Variants in TMOD3 observed in about 807,000 individuals in gnomAD.
TMOD3 encodes the protein tropomodulin-3.
A neutral mutation model predicts 39.2 loss-of-function variants in TMOD3; 20 were observed. The observed-to-expected ratio is 0.51, with a 90% CI of 0.36 to 0.74. TMOD3 has a LOEUF of 0.74. TMOD3 is among the 30% of genes least tolerant of loss of function. TMOD3 has a pLI of 0.00. For synonymous variants in TMOD3, 143 were observed against 145.8 expected, an observed-to-expected ratio of 0.98 and a Z score of 0.14; for missense variants, 381 against 412.8, an observed-to-expected ratio of 0.92 and a Z score of 0.67.
At chr15:51,859,114 GGACTCATAATACAT>G in intron 1 of TMOD3, 1 of 560,918 alleles carries the variant, frequency 1.8e-6, no homozygotes, top group Non-Finnish European at 3.3e-6. Flanking sequence ...TTACAAAAAT[GGACTCATAATACAT>G]ATTTGCCCAC....
At chr15:51,880,777 C>T (rs2056528763) in intron 3 of TMOD3, among the ~76,000 whole-genome samples, 1 of 152,130 alleles carries the variant, frequency 6.6e-6, no homozygotes, top group African/African-American at 2.4e-5. Flanking sequence ...GAATATGCTG[C>T]TATGAACATT....
chr15:51,831,274 T>G (rs1014742743), intron 1 of TMOD3, among the ~76,000 whole-genome samples: 2 of 152,246 alleles, frequency 1.3e-5, no homozygotes, highest in Non-Finnish European at 2.9e-5. Context: ...CAACCTACAT[T>G]GTAATTAATA....
intron 1 of TMOD3, among the ~76,000 whole-genome samples, chr15:51,844,831 T>C (rs1272923704): frequency 5.3e-5 from 8 of 152,122 alleles, no homozygotes; most frequent in Non-Finnish European, 1.2e-4. Context: ...ATTTGGTGAG[T>C]TTTCAGGAAA....
intron 3 of TMOD3, among the ~76,000 whole-genome samples, chr15:51,886,303 G>A (rs1307128965): frequency 6.6e-6 from 1 of 152,234 alleles, no homozygotes; most frequent in Non-Finnish European, 1.5e-5. Flanking sequence ...CACTTTGGGA[G>A]GCCAAGGCAG....
chr15:51,861,707 G>A (rs2056419981), intron 1 of TMOD3, among the ~76,000 whole-genome samples: 1 of 148,908 alleles, frequency 6.7e-6, no homozygotes, highest in Admixed American at 6.7e-5. Context: ...ACCCAGGCTA[G>A]AGTGTAAAGG....
chr15:51,885,486 ATGACTCTCAACGAGCATGC>A (rs2056556258), intron 3 of TMOD3, among the ~76,000 whole-genome samples: 1 of 152,058 alleles, frequency 6.6e-6, no homozygotes, highest in African/African-American at 2.4e-5. Flanking sequence ...GGGAGTGGTG[ATGACTCTCAACGAGCATGC>A]TGCCTTTAAG....
chr15:51,887,306 T>A (rs956662760), intron 3 of TMOD3, among the ~76,000 whole-genome samples: 3 of 151,252 alleles, frequency 2.0e-5, no homozygotes, highest in Non-Finnish European at 4.4e-5. Context: ...TTCCTTCATT[T>A]ATTGATTGAT....
chr15:51,887,735 T>A (rs372388034), intron 4 of TMOD3, 24 bp downstream of exon 4: 2 of 1,612,900 alleles, frequency 1.2e-6, no homozygotes, highest in African/African-American at 2.7e-5. Context: ...CAAGTTAATT[T>A]GTGAATAAGT....
intron 3 of TMOD3, among the ~76,000 whole-genome samples, chr15:51,883,459 T>G (rs956016885): frequency 5.3e-5 from 8 of 152,252 alleles, no homozygotes; most frequent in African/African-American, 9.6e-5. Context: ...GTTTAGTTTT[T>G]TTTTAGTTAG....
At chr15:51,886,462 G>A (rs1157366220) in intron 3 of TMOD3, among the ~76,000 whole-genome samples, 1 of 152,238 alleles carries the variant, frequency 6.6e-6, no homozygotes, top group Non-Finnish European at 1.5e-5. Context: ...GCCAGGAGCT[G>A]GAGACCAGCC....
At chr15:51,832,203 T>TTTTATATATATATATATA (rs371264278) in intron 1 of TMOD3, among the ~76,000 whole-genome samples, 1 of 79,334 alleles carries the variant, frequency 1.3e-5, no homozygotes, top group Admixed American at 1.6e-4. Flanking sequence ...AGAAAAAAAA[T>TTTTATATATATATATATA]TATATATATA....
chr15:51,881,747 A>G (rs987138706), intron 3 of TMOD3, among the ~76,000 whole-genome samples: 2 of 150,630 alleles, frequency 1.3e-5, no homozygotes, highest in African/African-American at 2.4e-5. Flanking sequence ...TATTTCTGGT[A>G]GAGACAGGGT....
At chr15:51,872,767 G>A (rs2056482190) in intron 3 of TMOD3, among the ~76,000 whole-genome samples, 1 of 151,840 alleles carries the variant, frequency 6.6e-6, no homozygotes, top group African/African-American at 2.4e-5. Context: ...ACCCACCTGA[G>A]GACCAGATTT....
chr15:51,861,606 G>A (rs1028503006), intron 1 of TMOD3, among the ~76,000 whole-genome samples: 11 of 151,610 alleles, frequency 7.3e-5, no homozygotes, highest in East Asian at 1.9e-4. Flanking sequence ...CAAGAAAAAC[G>A]TAACCAAATC....
chr15:51,847,876 C>G (rs1286675064), intron 1 of TMOD3, among the ~76,000 whole-genome samples: 2 of 152,172 alleles, frequency 1.3e-5, no homozygotes, highest in Non-Finnish European at 2.9e-5. Flanking sequence ...GTTTGAATGT[C>G]TGTACCTTCC....
intron 1 of TMOD3, among the ~76,000 whole-genome samples, chr15:51,858,898 A>G (rs1416096921): frequency 6.6e-6 from 1 of 152,178 alleles, no homozygotes; most frequent in Admixed American, 6.5e-5. Flanking sequence ...CAAGCTGAGC[A>G]TGGTGTCCTG....
intron 1 of TMOD3, among the ~76,000 whole-genome samples, chr15:51,849,804 C>G (rs939867291): frequency 6.6e-6 from 1 of 152,036 alleles, no homozygotes; most frequent in African/African-American, 2.4e-5. Context: ...CATGGTGGCT[C>G]ACACCTGTAA....
At chr15:51,838,072 GTACT>G (rs2056295204) in intron 1 of TMOD3, among the ~76,000 whole-genome samples, 1 of 152,152 alleles carries the variant, frequency 6.6e-6, no homozygotes, top group African/African-American at 2.4e-5. Context: ...GCATGGAGGC[GTACT>G]TACTTCTGTG....
At chr15:51,898,793 G>A (rs1410788813) in intron 7 of TMOD3, among the ~76,000 whole-genome samples, 2 of 152,034 alleles carry the variant, frequency 1.3e-5, no homozygotes, top group African/African-American at 4.8e-5. Context: ...CATGATCATT[G>A]TTCTTTTTTC....
Sources: gnomAD v4.1 joint callset for allele counts (sites outside exome capture counted in the v4.1 genomes callset) on GRCh38, gnomAD v4.1.1 for gene constraint, MANE v1.5 for transcripts, NCBI Gene and HGNC (gene_info 2026-07-23, HGNC 2026-07-21) for gene names.